Variants in CASK observed in about 807,000 individuals in gnomAD.
CASK encodes the protein calcium/calmodulin dependent serine protein kinase.
A neutral mutation model predicts 82.9 loss-of-function variants in CASK; 4 were observed. The observed-to-expected ratio is 0.05, with a 90% CI of 0.02 to 0.11. The LOEUF (loss-of-function observed/expected upper bound fraction) is 0.11. Among genes scored for constraint, CASK ranks in the 10% least tolerant of loss-of-function variants. The pLI is 1.00. For missense variants in CASK, 358 were observed against 720.9 expected, an observed-to-expected ratio of 0.50 and a Z score of 5.76; for synonymous variants, 259 against 253.5, an observed-to-expected ratio of 1.02 and a Z score of -0.20.
chrX:41,908,155 G>A (rs1224208965), intron 1 of CASK, among the ~76,000 whole-genome samples: 1 of 111,775 alleles, frequency 8.9e-6, no homozygotes, highest in Non-Finnish European at 1.9e-5. Flanking sequence ...CAGATCACCT[G>A]AGGTCAGGAG....
chrX:41,680,007 C>G (rs1388952356), intron 5 of CASK, among the ~76,000 whole-genome samples: 1 of 110,902 alleles, frequency 9.0e-6, no homozygotes, highest in African/African-American at 3.3e-5. Context: ...GTCAGGAGTT[C>G]AAGACCAGCC....
chrX:41,696,866 C>T (rs2067699932), intron 5 of CASK: 1 of 573,046 alleles, frequency 1.7e-6, no homozygotes, highest in African/African-American at 2.3e-5. Context: ...CTAGCATTTA[C>T]AAAACTCAGA....
chrX:41,844,180 C>T (rs768104772), intron 2 of CASK, among the ~76,000 whole-genome samples: 1 of 111,428 alleles, frequency 9.0e-6, no homozygotes, highest in South Asian at 3.7e-4. Flanking sequence ...GATATTGGTC[C>T]TTTCTTACAA....
intron 11 of CASK, among the ~76,000 whole-genome samples, chrX:41,619,240 T>C (rs2066250900): frequency 9.0e-6 from 1 of 111,589 alleles, no homozygotes; most frequent in Non-Finnish European, 1.9e-5. Flanking sequence ...TTCAGAATAG[T>C]ATTTTGTTTT....
intron 16 of CASK, 95 bp from the exon 17 acceptor site, chrX:41,561,739 G>A: frequency 7.8e-6 from 5 of 640,320 alleles, no homozygotes; most frequent in Non-Finnish European, 7.4e-6. Context: ...AAACTAAGTT[G>A]AATATTGAGG....
chrX:41,802,653 G>C (rs944154870), intron 2 of CASK, among the ~76,000 whole-genome samples: 5 of 111,622 alleles, frequency 4.5e-5, no homozygotes, highest in Non-Finnish European at 9.4e-5. Flanking sequence ...TTAAAGCTTT[G>C]GGAGAAAAAC....
At chrX:41,833,956 T>C (rs1448582362) in intron 2 of CASK, among the ~76,000 whole-genome samples, 2 of 111,055 alleles carry the variant, frequency 1.8e-5, no homozygotes, top group Non-Finnish European at 3.8e-5. Context: ...TGCCATGTTG[T>C]GCCCAGGGTG....
chrX:41,730,795 C>T (rs878971308), intron 5 of CASK, among the ~76,000 whole-genome samples: 6 of 111,426 alleles, frequency 5.4e-5, no homozygotes, highest in African/African-American at 2.0e-4. Flanking sequence ...TCCACCCCCC[C>T]GGGGTCAAGT....
At chrX:41,761,322 T>C (rs1050586205) in intron 3 of CASK, among the ~76,000 whole-genome samples, 5 of 111,215 alleles carry the variant, frequency 4.5e-5, no homozygotes, top group Non-Finnish European at 9.4e-5. Flanking sequence ...AACATCTAAA[T>C]AACTGTAAAT....
chrX:41,597,956 T>C (rs188116287), intron 12 of CASK, among the ~76,000 whole-genome samples: 9 of 110,682 alleles, frequency 8.1e-5, no homozygotes, highest in Non-Finnish European at 1.5e-4. Context: ...CTGGGCCACA[T>C]GTGGAAACCT....
Position 41,807,636 on chromosome X carries a change from G to A in CASK, c.173-20353C>T, listed in dbSNP as rs765148479. On this transcript the variant is annotated intron_variant, in intron 2 of 26. Transcript: ENST00000378163. ...ACAGGTTTATCTGGCTCACTGTTGT[G>A]GAGGCTGAGGAGTTCAAGAGCATGG... Among the ~76,000 whole-genome samples, 5 of 110,917 alleles carry A rather than the reference G, an allele frequency of 4.5e-5. No individual in the cohort carries two copies. In the South Asian group the frequency reaches 2.0e-3, roughly 43 times the overall value.
chrX:41,526,579 A>G (rs190519120), intron 25 of CASK, among the ~76,000 whole-genome samples: 2 of 112,089 alleles, frequency 1.8e-5, no homozygotes, highest in African/African-American at 3.2e-5. Context: ...GTCTATATCC[A>G]TAGACTGCAC....
chrX:41,708,689 T>C (rs1359667308), intron 5 of CASK, among the ~76,000 whole-genome samples: 1 of 112,311 alleles, frequency 8.9e-6, no homozygotes, highest in Non-Finnish European at 1.9e-5. Flanking sequence ...TATTGCTTTA[T>C]GTTTCTAGCT....
chrX:41,521,700 C>T (rs1362298781), intron 26 of CASK, among the ~76,000 whole-genome samples: 1 of 112,093 alleles, frequency 8.9e-6, no homozygotes, highest in East Asian at 2.8e-4. Flanking sequence ...CTTTGTGAGT[C>T]AAATTAACCA....
chrX:41,552,314 TC>T (rs1436710788), intron 21 of CASK, among the ~76,000 whole-genome samples: 1 of 110,301 alleles, frequency 9.1e-6, no homozygotes, highest in Non-Finnish European at 1.9e-5. Flanking sequence ...TCATTTTTTT[TC>T]ATCAGGAGGA....
intron 12 of CASK, among the ~76,000 whole-genome samples, chrX:41,595,818 T>C (rs980174549): frequency 3.6e-5 from 4 of 111,146 alleles, no homozygotes; most frequent in African/African-American, 1.3e-4. Flanking sequence ...TAATACACAA[T>C]GCCTTGTGCC....
chrX:41,556,798 A>G lies in CASK; in HGVS notation c.1806+234T>C, dbSNP rs760531384. Among the ~76,000 whole-genome samples, 4 of 112,758 alleles carry G rather than the reference A, an allele frequency of 3.5e-5. No homozygotes were observed. The South Asian group carries it at 1.4e-3, about 41-fold the overall frequency. On this transcript the variant is annotated intron_variant, in intron 19 of 26. Coordinates refer to ENST00000378163, the MANE Select transcript of CASK (RefSeq NM_001367721.1). ...TGGGGTGGCATAGAAATATTTTTAG[A>G]ATGACCAAAGCAGTCTTGAACTATA...
chrX:41,529,416 G>A lies in CASK; in HGVS notation c.2520+1591C>T, dbSNP rs187092309. The A allele has an allele frequency of 7.2e-3, 1,269 of 175,358 alleles. 12 individuals carry two copies. Among genetic ancestry groups the A allele is most frequent in the Non-Finnish European group, 7.6e-3 (697 of 91,969 alleles). 14.5% of individuals were successfully genotyped at this position (175,358 alleles called of 1,213,427 possible). A position where few individuals can be genotyped will look rare whatever the true frequency, so the allele number is the denominator to read the frequency against. On this transcript the variant is annotated intron_variant, in intron 25 of 26. Coordinates refer to ENST00000378163, the MANE Select transcript of CASK (RefSeq NM_001367721.1). Reference sequence around the variant, plus strand: ...AGCGGCAGCAGCAGCAGTGGCGGTGGCGGCGGCAGCAGCGGAGGCAGGTAA... The same window carrying A: ...AGCGGCAGCAGCAGCAGTGGCGGTGACGGCGGCAGCAGCGGAGGCAGGTAA...
At chrX:41,772,288 T>C (rs2069256978) in intron 3 of CASK, among the ~76,000 whole-genome samples, 1 of 92,755 alleles carries the variant, frequency 1.1e-5, no homozygotes, top group South Asian at 5.3e-4. Context: ...GAGGTGGAGG[T>C]TGCAGTGAGC....
Sources: allele counts gnomAD v4.1 joint callset (sites outside exome capture counted in the v4.1 genomes callset), GRCh38; gene constraint gnomAD v4.1.1; transcripts MANE v1.5; gene names NCBI Gene and HGNC (gene_info 2026-07-23, HGNC 2026-07-21).